The following PPAT variants were observed in gnomAD, a reference collection of about 807,000 sequenced individuals.
The protein encoded by PPAT is amidophosphoribosyltransferase.
A neutral mutation model predicts 60.2 loss-of-function variants in PPAT; 20 were observed. The ratio of observed to expected loss-of-function variants is 0.33; its 90% CI spans 0.23 to 0.48. The LOEUF (loss-of-function observed/expected upper bound fraction) is 0.48. Among genes scored for constraint, PPAT ranks in the 20% least tolerant of loss-of-function variants. PPAT has a pLI of 0.99. For synonymous variants in PPAT, 194 were observed against 215.1 expected (o/e 0.90, Z 0.86); for missense variants, 349 against 629.6 (o/e 0.55, Z 4.77).
At position 56,395,561 on chromosome 4, in the gene PPAT, G is replaced by A; in HGVS notation, c.1358-13C>T. 21 of 1,488,672 alleles carry A rather than the reference G, an allele frequency of 1.4e-5. No individual in the cohort carries two copies. The highest frequency in any genetic ancestry group is 4.2e-5 in the South Asian group (3 of 70,812). 92.2% of individuals were successfully genotyped at this position (1,488,672 alleles called of 1,614,324 possible). On this transcript the variant is annotated splice_polypyrimidine_tract_variant and intron_variant, in intron 10 of 10. Coordinates refer to ENST00000264220, the MANE Select transcript of PPAT (RefSeq NM_002703.5). ...ACACTGTTTGCTCCTAAAGAAAGAG[G>A]GAAAAATAAAAATGTAATAAGAATT...
chr4:56,399,221 G>C lies in PPAT; in HGVS notation c.1194C>G (p.Ile398Met). 6.2e-7 allele frequency: 1 copy of C among 1,613,816 alleles called. No homozygotes were observed. The highest frequency in any genetic ancestry group is 8.5e-7 in the Non-Finnish European group (1 of 1,179,786). The change falls in exon 9 of 11, where the codon ATC becomes ATG. Residue 398 changes from isoleucine (I) to methionine (M), a missense_variant. By Grantham distance (10) the Ile-to-Met change is conservative. Coordinates refer to ENST00000264220, the MANE Select transcript of PPAT (RefSeq NM_002703.5). ...CTTTGAGCAGTTTTATTATAGGTGA[G>C]ATGGTATTGCCTCTGACAATTGAAT... ...VDDSIVRGNT[I>M]SPIIKLLKES...
At chr4:56,412,743 CTA>C (rs1365551307) in intron 1 of PPAT, among the ~76,000 whole-genome samples, 1 of 152,182 alleles carries the variant, frequency 6.6e-6, no homozygotes, top group Non-Finnish European at 1.5e-5. Flanking sequence ...TCTCTCTGCT[CTA>C]TTCTCATTAT....
chr4:56,433,238 A>T (rs1335080395), intron 1 of PPAT, among the ~76,000 whole-genome samples: 4 of 151,868 alleles, frequency 2.6e-5, no homozygotes, highest in African/African-American at 9.7e-5. Flanking sequence ...CCTACACAAG[A>T]GAAATGTTAA....
chr4:56,403,266 G>C, intron 4 of PPAT, 23 bp downstream of exon 4: 4 of 1,601,418 alleles, frequency 2.5e-6, no homozygotes, highest in Non-Finnish European at 3.4e-6. Flanking sequence ...AGAGCTCTAA[G>C]TTTAGTCCAG....
intron 1 of PPAT, among the ~76,000 whole-genome samples, chr4:56,428,051 CTAA>C (rs1197879213): frequency 3.9e-5 from 6 of 152,170 alleles, no homozygotes; most frequent in Non-Finnish European, 8.8e-5. Flanking sequence ...AATTTTCTCA[CTAA>C]TAATGAGAAC....
At chr4:56,402,820 C>CAAAAAAAAAAA (rs556899549) in intron 5 of PPAT, among the ~76,000 whole-genome samples, 16 of 44,046 alleles carry the variant, frequency 3.6e-4, no homozygotes, top group African/African-American at 1.5e-3. Context: ...ACTCGGTCTC[C>CAAAAAAAAAAA]AAAAAAAAAA....
At chr4:56,406,384 T>C (rs1378187769) in intron 3 of PPAT, 111 bp downstream of exon 3, 3 of 1,105,514 alleles carry the variant, frequency 2.7e-6, no homozygotes, top group Admixed American at 4.2e-5. Context: ...TGCAGTTAGG[T>C]AACAGGTAGC....
chr4:56,398,606 C>T (rs1016859297), intron 9 of PPAT, among the ~76,000 whole-genome samples: 6 of 151,098 alleles, frequency 4.0e-5, no homozygotes, highest in Admixed American at 2.0e-4. Context: ...TGTGCCACCA[C>T]GCCCCACCCA....
At chr4:56,428,524 C>T (rs936168804) in intron 1 of PPAT, among the ~76,000 whole-genome samples, 2 of 151,816 alleles carry the variant, frequency 1.3e-5, no homozygotes, top group Admixed American at 1.3e-4. Flanking sequence ...GAAAAAATGG[C>T]AACCCTCCAA....
At position 56,395,789 on chromosome 4, in the gene PPAT, A is replaced by C. The variant is rs566794520; in HGVS notation, c.1358-241T>G. Among the ~76,000 whole-genome samples the C allele has an allele frequency of 1.2e-4, 19 of 152,242 alleles. 1 individual carries two copies. In the South Asian group the frequency reaches 2.5e-3, roughly 20 times the overall value. ...AAACAGCAGAGGAGGCTTCAAGTCT[A>C]GAATGGAATTAGAGGGCTTTGGGAG... On this transcript the variant is annotated intron_variant, in intron 10 of 10. Coordinates refer to ENST00000264220, the MANE Select transcript of PPAT (RefSeq NM_002703.5).
At chr4:56,418,332 T>G (rs1716876624) in intron 1 of PPAT, among the ~76,000 whole-genome samples, 1 of 152,118 alleles carries the variant, frequency 6.6e-6, no homozygotes, top group Non-Finnish European at 1.5e-5. Flanking sequence ...TATTTTATCT[T>G]ATTTTGAGAC....
In PPAT at chr4:56,395,486, T is replaced by C; in HGVS notation, c.1420A>G (p.Lys474Glu). ...GLVSSVQEGI[K>E]FKKQKEKKHD... ...TTTTTCTCTTTCTGTTTTTTAAACT[T>C]TATCCCTTCTTGTACAGATGAAACC... Residue 474 changes from lysine to glutamate, a missense_variant, in exon 11 of 11, where the codon AAG (lysine) becomes GAG (glutamate). Physicochemically the swap from Lys to Glu is moderately conservative, Grantham distance 56. Transcript: ENST00000264220. 2 of 1,612,976 alleles carry C rather than the reference T, an allele frequency of 1.2e-6. No homozygotes were observed. Among genetic ancestry groups the C allele is most frequent in the African/African-American group, 1.3e-5 (1 of 74,974 alleles).
Position 56,402,843 on chromosome 4 carries a change from AAAAAAG to A in PPAT, c.661+191_661+196del, listed in dbSNP as rs1375187828. Among the ~76,000 whole-genome samples, 47 of 75,836 alleles carry A rather than the reference AAAAAAG, an allele frequency of 6.2e-4. 3 individuals carry two copies. Among genetic ancestry groups the A allele is most frequent in the African/African-American group, 2.1e-3 (37 of 17,870 alleles). 49.8% of individuals were successfully genotyped at this position (75,836 alleles called of 152,430 possible). A position where few individuals can be genotyped will look rare whatever the true frequency, so the allele number is the denominator to read the frequency against. On this transcript the variant is annotated intron_variant, in intron 5 of 10. Coordinates refer to ENST00000264220, the MANE Select transcript of PPAT (RefSeq NM_002703.5). ...TCCAAAAAAAAAAAAAAAAAAAAAA[AAAAAAG>A]GGGGGGGACTCATCCTCAGGAGTAC...
intron 6 of PPAT, among the ~76,000 whole-genome samples, 161 bp from the exon 7 acceptor site, chr4:56,401,642 G>C (rs1350369924): frequency 6.6e-6 from 1 of 152,060 alleles, no homozygotes; most frequent in African/African-American, 2.4e-5. Flanking sequence ...TATGTCTCCT[G>C]CAATGATTTC....
At chr4:56,417,219 G>A (rs1433145164) in intron 1 of PPAT, among the ~76,000 whole-genome samples, 1 of 151,290 alleles carries the variant, frequency 6.6e-6, no homozygotes, top group Non-Finnish European at 1.5e-5. Flanking sequence ...AAACTTATTT[G>A]TAACCCAAAT....
intron 1 of PPAT, among the ~76,000 whole-genome samples, chr4:56,430,292 T>G (rs1717513874): frequency 6.6e-6 from 1 of 152,172 alleles, no homozygotes; most frequent in African/African-American, 2.4e-5. Context: ...ATCCAAGCAC[T>G]GTTCTAAGCA....
rs1237882755 is a variant in PPAT at position 56,403,118 on chromosome 4, A to G, written c.583T>C (p.Tyr195His). The change falls in exon 5 of 11, where the codon TAT becomes CAT. Residue 195 changes from tyrosine to histidine, a missense_variant. Coordinates refer to ENST00000264220, the MANE Select transcript of PPAT (RefSeq NM_002703.5). ...SLLIMHRDVIYAVRDPYGNRP... is the reference protein window; with the variant it reads ...SLLIMHRDVIHAVRDPYGNRP... ...TTTCCATAAGGATCTCGTACTGCAT[A>G]AATAACATCTCTGTGCATTATAAGC... 2 of 1,612,556 alleles carry G rather than the reference A, an allele frequency of 1.2e-6. No homozygotes were observed. The highest frequency in any genetic ancestry group is 3.3e-5 in the Admixed American group (2 of 59,956).
intron 5 of PPAT, 105 bp from the exon 6 acceptor site, chr4:56,402,286 T>G (rs1259620396): frequency 2.7e-6 from 2 of 730,626 alleles, no homozygotes. Context: ...ACTCATAGAA[T>G]AGCCATTTCT....
chr4:56,434,402 C>T (rs1717783173), intron 1 of PPAT, among the ~76,000 whole-genome samples: 1 of 152,174 alleles, frequency 6.6e-6, no homozygotes, highest in South Asian at 2.1e-4. Flanking sequence ...ACTGTATTGC[C>T]TTATGGAAAC....
Sources: gnomAD v4.1 joint callset for allele counts (sites outside exome capture counted in the v4.1 genomes callset) on GRCh38, gnomAD v4.1.1 for gene constraint, MANE v1.5 for transcripts, NCBI Gene and HGNC (gene_info 2026-07-23, HGNC 2026-07-21) for gene names.